GLRA2: variants seen among roughly 807,000 people sequenced by gnomAD.
The protein encoded by GLRA2 is glycine receptor alpha 2, also known as glycine receptor subunit alpha-2.
Under a neutral mutation model 31.6 loss-of-function variants are expected in GLRA2, and 11 were observed. That is an observed-to-expected ratio of 0.35 (90% CI 0.22 to 0.58). The LOEUF is 0.58. Among genes scored for constraint, GLRA2 ranks in the 20% least tolerant of loss-of-function variants. GLRA2 has a pLI of 0.84. For missense variants in GLRA2, 212 were observed against 351.8 expected (o/e 0.60, Z 3.18); for synonymous variants, 132 against 134.0 (o/e 0.99, Z 0.10).
At chrX:14,470,477 A>G in the GLRA2 span, among the ~76,000 whole-genome samples, 1 of 111,976 alleles carries the variant, frequency 8.9e-6, no homozygotes, top group Admixed American at 9.5e-5. Flanking sequence ...GCTTTCAGAT[A>G]TTGAAAACCA....
chrX:14,610,929 G>A (rs1320351601), intron 7 of GLRA2, among the ~76,000 whole-genome samples: 5 of 112,299 alleles, frequency 4.5e-5, no homozygotes, highest in African/African-American at 1.6e-4. Context: ...TAAAGGCAAT[G>A]AGGAACTCAG....
chrX:14,473,178 C>T, the GLRA2 span, among the ~76,000 whole-genome samples: 2 of 111,402 alleles, frequency 1.8e-5, no homozygotes, highest in African/African-American at 3.3e-5. Flanking sequence ...ACTTTTTTTC[C>T]TTCCCCATGG....
chrX:14,638,806 GT>G (rs1450101207), intron 7 of GLRA2, among the ~76,000 whole-genome samples: 1 of 111,414 alleles, frequency 9.0e-6, no homozygotes, highest in Non-Finnish European at 1.9e-5. Flanking sequence ...GTCCATTCCT[GT>G]TTTGACTAAT....
At chrX:14,489,946 T>C in the GLRA2 span, among the ~76,000 whole-genome samples, 16 of 111,052 alleles carry the variant, frequency 1.4e-4, no homozygotes, top group African/African-American at 5.2e-4. Context: ...TAGTACAATG[T>C]CTTTCCAAAC....
At chrX:14,604,286 G>T (rs746277549) in intron 4 of GLRA2, 29 bp from the exon 5 acceptor site, 2 of 937,636 alleles carry the variant, frequency 2.1e-6, no homozygotes, top group Non-Finnish European at 3.0e-6. Context: ...ATTTAAAAAT[G>T]GTTTTTAATT....
At chrX:14,559,131 G>C (rs775601325) in intron 2 of GLRA2, among the ~76,000 whole-genome samples, 1 of 111,646 alleles carries the variant, frequency 9.0e-6, no homozygotes, top group East Asian at 2.8e-4. Flanking sequence ...CATCTGTATG[G>C]CAATTTTCTA....
chrX:14,488,599 TGCATG>T, the GLRA2 span, among the ~76,000 whole-genome samples: 1 of 112,604 alleles, frequency 8.9e-6, no homozygotes, highest in African/African-American at 3.2e-5. Flanking sequence ...CACAAATGTT[TGCATG>T]GCCTGCAGTC....
At chrX:14,502,375 A>G in the GLRA2 span, among the ~76,000 whole-genome samples, 11 of 112,297 alleles carry the variant, frequency 9.8e-5, no homozygotes, top group East Asian at 2.2e-3. Flanking sequence ...TCCAGCACCA[A>G]TACAGAATCC....
At chrX:14,690,451 G>A (rs1398634363) in intron 7 of GLRA2, among the ~76,000 whole-genome samples, 5 of 111,627 alleles carry the variant, frequency 4.5e-5, no homozygotes, top group Non-Finnish European at 9.4e-5. Flanking sequence ...GGAAATTCTT[G>A]AAGTCATTGG....
chrX:14,504,713 C>A, the GLRA2 span, among the ~76,000 whole-genome samples: 1 of 112,153 alleles, frequency 8.9e-6, no homozygotes, highest in South Asian at 3.7e-4. Context: ...ATACTCTAAT[C>A]AGCAGTGATC....
chrX:14,663,157 A>G (rs2091008014), intron 7 of GLRA2, among the ~76,000 whole-genome samples: 2 of 111,423 alleles, frequency 1.8e-5, no homozygotes, highest in Admixed American at 9.6e-5. Flanking sequence ...ACAATGTTGC[A>G]TAATAATGCT....
chrX:14,493,405 A>T, the GLRA2 span, among the ~76,000 whole-genome samples: 2,209 of 108,212 alleles, frequency 0.02, 76 homozygotes, highest in African/African-American at 0.07. Flanking sequence ...GAAAGAGGCT[A>T]ATCTAAAAAG....
chrX:14,642,325 C>T (rs1201615766), intron 7 of GLRA2, among the ~76,000 whole-genome samples: 2 of 111,903 alleles, frequency 1.8e-5, no homozygotes, highest in African/African-American at 6.5e-5. Context: ...AGAAATAAGT[C>T]TTCATCTCTA....
At chrX:14,618,251 G>A (rs1239473143) in intron 7 of GLRA2, among the ~76,000 whole-genome samples, 1 of 111,480 alleles carries the variant, frequency 9.0e-6, no homozygotes, top group Non-Finnish European at 1.9e-5. Flanking sequence ...TATCTCTCAT[G>A]GCCCAGGAAG....
the GLRA2 span, among the ~76,000 whole-genome samples, chrX:14,502,746 T>A: frequency 9.9e-5 from 11 of 111,217 alleles, no homozygotes; most frequent in East Asian, 2.3e-3. Flanking sequence ...CACTCATACC[T>A]GAACAAAGCT....
chrX:14,715,595 C>T (rs753374840), intron 8 of GLRA2, among the ~76,000 whole-genome samples: 9 of 111,502 alleles, frequency 8.1e-5, no homozygotes, highest in Non-Finnish European at 1.1e-4. Context: ...AGGAGGAACC[C>T]ATGGCTCAGG....
the GLRA2 span, among the ~76,000 whole-genome samples, chrX:14,456,884 T>C: frequency 1.8e-5 from 2 of 112,127 alleles, no homozygotes; most frequent in Admixed American, 9.5e-5. Flanking sequence ...AGTAGTGAGA[T>C]TGCTGGATCT....
chrX:14,654,079 C>G (rs1397727819), intron 7 of GLRA2, among the ~76,000 whole-genome samples: 2 of 111,566 alleles, frequency 1.8e-5, no homozygotes, highest in Admixed American at 1.9e-4. Context: ...GAACTATGAT[C>G]GTACCACTGC....
intron 7 of GLRA2, among the ~76,000 whole-genome samples, chrX:14,662,584 ATATT>A (rs2091002124): frequency 8.9e-6 from 1 of 111,883 alleles, no homozygotes; most frequent in African/African-American, 3.2e-5. Context: ...AGTTATAAAA[ATATT>A]TATTTAATTT....
Sources: gnomAD v4.1 joint callset for allele counts (sites outside exome capture counted in the v4.1 genomes callset) on GRCh38, gnomAD v4.1.1 for gene constraint, MANE v1.5 for transcripts, NCBI Gene and HGNC (gene_info 2026-07-23, HGNC 2026-07-21) for gene names.